The following PRDM6 variants were observed in gnomAD, a reference collection of about 807,000 sequenced individuals.
PRDM6 encodes putative histone-lysine N-methyltransferase PRDM6.
In PRDM6, 25 loss-of-function variants were observed where a neutral mutation model predicts 60.8. The observed-to-expected ratio is 0.41, with a 90% CI of 0.30 to 0.57. PRDM6 has a LOEUF of 0.57. Ranked by LOEUF, PRDM6 falls within the 20% of genes least tolerant of loss-of-function variation. The pLI, the probability that PRDM6 is intolerant of heterozygous loss-of-function variation, is 0.27. For missense variants in PRDM6, 839 were observed against 821.3 expected (o/e 1.02, Z -0.26); for synonymous variants, 407 against 357.4 (o/e 1.14, Z -1.57).
At chr5:123,095,153 T>C (rs1561797624) in intron 2 of PRDM6, among the ~76,000 whole-genome samples, 2 of 152,148 alleles carry the variant, frequency 1.3e-5, no homozygotes, top group Non-Finnish European at 2.9e-5. Context: ...CTAGACCCGC[T>C]CCCGGGGCTT....
chr5:123,153,392 T>C (rs767250387), intron 3 of PRDM6, among the ~76,000 whole-genome samples: 1 of 152,166 alleles, frequency 6.6e-6, no homozygotes, highest in Non-Finnish European at 1.5e-5. Flanking sequence ...TCAACTGGAT[T>C]TGATGATGGC....
chr5:123,193,638 G>A lies in PRDM6; in HGVS notation c.*6437G>A, dbSNP rs866289148. On this transcript the variant is annotated 3_prime_UTR_variant, in exon 8 of 8. Transcript: ENST00000407847. ...TGCAGAGGCTAAGGTGATGACTAAC[G>A]AATTAAGGAAAACTTTGGCTCAGAT... 28 of 152,136 alleles carry A rather than the reference G, an allele frequency of 1.8e-4. No homozygotes were observed. Among genetic ancestry groups the A allele is most frequent in the Admixed American group, 1.2e-3 (18 of 15,270 alleles). 9.4% of individuals were successfully genotyped at this position (152,136 alleles called of 1,614,324 possible). A position where few individuals can be genotyped will look rare whatever the true frequency, so the allele number is the denominator to read the frequency against.
intron 3 of PRDM6, among the ~76,000 whole-genome samples, chr5:123,107,410 T>C (rs1044530694): frequency 6.6e-6 from 1 of 152,228 alleles, no homozygotes; most frequent in African/African-American, 2.4e-5. Context: ...CAGGTTTTCC[T>C]ATATAAGAAC....
chr5:123,090,359 G>A lies in PRDM6; in HGVS notation c.345G>A (p.Gln115=). 6.8e-7 allele frequency: 1 copy of A among 1,472,876 alleles called. No individual in the cohort carries two copies. Among genetic ancestry groups the A allele is most frequent in the Admixed American group, 2.3e-5 (1 of 42,876 alleles). The allele number at this position is 1,472,876 out of a possible 1,614,324, so 91.2% of individuals were successfully genotyped here. The change falls in exon 2 of 8, where the codon CAG becomes CAA. Residue 115 remains glutamine (Q), a synonymous_variant. Transcript: ENST00000407847. ...GTCTCTCGGCCCTGCCGGTGTCGCA[G>A]CTGCCGGTGTTCGCGCCTCTAGCCG... ...LAGLSALPVS[Q]LPVFAPLAAA...
chr5:123,168,562 A>G (rs908607361), intron 5 of PRDM6, among the ~76,000 whole-genome samples: 1 of 152,198 alleles, frequency 6.6e-6, no homozygotes, highest in Non-Finnish European at 1.5e-5. Context: ...CCCCGATTTC[A>G]CTTTAGAAGC....
At chr5:123,157,197 C>T (rs915419990) in intron 4 of PRDM6, among the ~76,000 whole-genome samples, 38 of 151,866 alleles carry the variant, frequency 2.5e-4, no homozygotes, top group African/African-American at 7.7e-4. Context: ...TGTGACTCAC[C>T]GCCTTGGTTT....
chr5:123,095,206 CG>C (rs1442950284), intron 2 of PRDM6, among the ~76,000 whole-genome samples: 1 of 152,170 alleles, frequency 6.6e-6, no homozygotes, highest in African/African-American at 2.4e-5. Flanking sequence ...GGGTGGGTGG[CG>C]GGGTGCAGTG....
intron 3 of PRDM6, among the ~76,000 whole-genome samples, chr5:123,147,047 G>A (rs1356813083): frequency 2.6e-5 from 4 of 152,090 alleles, no homozygotes; most frequent in Non-Finnish European, 5.9e-5. Context: ...CTGCTCAAAT[G>A]AACGCGTGAA....
At chr5:123,127,733 C>CTTTCTTTCTTTCT (rs1561833658) in intron 3 of PRDM6, among the ~76,000 whole-genome samples, 125 of 140,714 alleles carry the variant, frequency 8.9e-4, no homozygotes, top group Middle Eastern at 7.2e-3. Context: ...TCTTTCTTTC[C>CTTTCTTTCTTTCT]TTCTTTCCTT....
chr5:123,180,426 C>A, intron 7 of PRDM6, 103 bp downstream of exon 7: 1 of 1,220,072 alleles, frequency 8.2e-7, no homozygotes, highest in Non-Finnish European at 1.1e-6. Flanking sequence ...CTGGCACAGG[C>A]TACTTGGAAG....
At chr5:123,170,454 C>A (rs1166277397) in intron 5 of PRDM6, among the ~76,000 whole-genome samples, 1 of 152,164 alleles carries the variant, frequency 6.6e-6, no homozygotes, top group African/African-American at 2.4e-5. Flanking sequence ...TAAACTCCCT[C>A]CAGGCATAGG....
chr5:123,142,386 T>C (rs459633), intron 3 of PRDM6, among the ~76,000 whole-genome samples: 50,942 of 151,972 alleles, frequency 0.34, 8,999 homozygotes, highest in African/African-American at 0.38. Context: ...AAGTAGAACA[T>C]AGGATTCCTC....
chr5:123,143,962 A>G (rs1297438863), intron 3 of PRDM6, among the ~76,000 whole-genome samples: 1 of 152,170 alleles, frequency 6.6e-6, no homozygotes, highest in Non-Finnish European at 1.5e-5. Context: ...AGTTGTGCAA[A>G]GAAGGCCTCC....
At position 123,188,402 on chromosome 5, in the gene PRDM6, C is replaced by G. The variant is rs1418595880; in HGVS notation, c.*1201C>G. 1 of 152,220 alleles carries G rather than the reference C, an allele frequency of 6.6e-6. No individual in the cohort carries two copies. Among genetic ancestry groups the G allele is most frequent in the Non-Finnish European group, 1.5e-5 (1 of 68,040 alleles). 9.4% of individuals were successfully genotyped at this position (152,220 alleles called of 1,614,324 possible). On this transcript the variant is annotated 3_prime_UTR_variant, in exon 8 of 8. Coordinates refer to ENST00000407847, the MANE Select transcript of PRDM6 (RefSeq NM_001136239.4). The stretch of plus-strand genomic sequence containing the variant: ...AGAGAAGGAATTCTCCACACAATTT[C>G]ACTATTCTTTGAGTGCTGAGAATGT...
intron 3 of PRDM6, among the ~76,000 whole-genome samples, chr5:123,147,732 G>C (rs1363368967): frequency 6.6e-6 from 1 of 152,222 alleles, no homozygotes. Flanking sequence ...AAAAGTTAAA[G>C]GTTCAGTGGC....
At chr5:123,154,198 G>A (rs554157863) in intron 3 of PRDM6, among the ~76,000 whole-genome samples, 1 of 152,316 alleles carries the variant, frequency 6.6e-6, no homozygotes, top group East Asian at 1.9e-4. Context: ...CAACTACAGT[G>A]TAATCAATCC....
intron 5 of PRDM6, among the ~76,000 whole-genome samples, chr5:123,162,183 G>A (rs772651045): frequency 8.5e-5 from 13 of 152,096 alleles, no homozygotes; most frequent in Admixed American, 2.0e-4. Flanking sequence ...TCTTACCCTC[G>A]ATCTGGATCT....
At chr5:123,114,356 A>G (rs1297851811) in intron 3 of PRDM6, among the ~76,000 whole-genome samples, 2 of 151,938 alleles carry the variant, frequency 1.3e-5, no homozygotes, top group Non-Finnish European at 2.9e-5. Flanking sequence ...TACCCACAAG[A>G]CTCTCTTCTT....
intron 5 of PRDM6, among the ~76,000 whole-genome samples, chr5:123,161,617 T>A (rs145284947): frequency 6.6e-6 from 1 of 152,240 alleles, no homozygotes; most frequent in Non-Finnish European, 1.5e-5. Flanking sequence ...AAGATGGGAA[T>A]GTTCCTGGCA....
Sources: allele counts gnomAD v4.1 joint callset (sites outside exome capture counted in the v4.1 genomes callset), GRCh38; gene constraint gnomAD v4.1.1; transcripts MANE v1.5; gene names NCBI Gene and HGNC (gene_info 2026-07-23, HGNC 2026-07-21).